WWOX: variants seen among roughly 807,000 people sequenced by gnomAD.
The protein encoded by WWOX is WW domain-containing oxidoreductase.
In WWOX, 69 loss-of-function variants were observed where a neutral mutation model predicts 46.2. That is an observed-to-expected ratio of 1.49 (90% CI 1.23 to 1.82). WWOX has a LOEUF of 1.82. Among genes scored for constraint, WWOX ranks in the 40% most tolerant of loss-of-function variants. The probability of loss-of-function intolerance (pLI) is 0.00; values close to 1 mark genes in which losing one functional copy is unlikely to be tolerated. For synonymous variants in WWOX, 359 were observed against 202.6 expected (o/e 1.77, Z -6.56); for missense variants, 919 against 542.6 (o/e 1.69, Z -6.89).
intron 8 of WWOX, among the ~76,000 whole-genome samples, chr16:78,762,893 C>T (rs1331869284): frequency 6.6e-6 from 1 of 152,092 alleles, no homozygotes. Flanking sequence ...TAGTTAACAC[C>T]CAGTTTGGTA....
At chr16:78,485,411 T>C (rs1041809416) in intron 8 of WWOX, among the ~76,000 whole-genome samples, 28 of 152,118 alleles carry the variant, frequency 1.8e-4, no homozygotes, top group African/African-American at 6.5e-4. Context: ...GTTGAAGATA[T>C]TTCAGACTCT....
intron 8 of WWOX, among the ~76,000 whole-genome samples, chr16:78,971,898 T>C (rs1333033240): frequency 6.6e-6 from 1 of 152,164 alleles, no homozygotes; most frequent in Non-Finnish European, 1.5e-5. Flanking sequence ...ATCGGGATAT[T>C]AGTGCAGACC....
chr16:78,921,885 C>G (rs774462198), intron 8 of WWOX, among the ~76,000 whole-genome samples: 2 of 152,164 alleles, frequency 1.3e-5, no homozygotes, highest in Non-Finnish European at 2.9e-5. Flanking sequence ...TTAGCAGAAG[C>G]TATTGTATTT....
At chr16:78,316,214 C>G (rs942937121) in intron 5 of WWOX, among the ~76,000 whole-genome samples, 1 of 151,938 alleles carries the variant, frequency 6.6e-6, no homozygotes, top group African/African-American at 2.4e-5. Flanking sequence ...CTAGTGTACT[C>G]CAGTCTGGGC....
At chr16:78,271,189 C>A (rs2079471286) in intron 5 of WWOX, among the ~76,000 whole-genome samples, 1 of 152,132 alleles carries the variant, frequency 6.6e-6, no homozygotes, top group Admixed American at 6.5e-5. Context: ...AAACAATTAC[C>A]TTTGATGATT....
At chr16:79,202,589 G>C (rs1229041910) in intron 8 of WWOX, 1 of 152,194 alleles carries the variant, frequency 6.6e-6, no homozygotes, top group African/African-American at 2.4e-5. Context: ...CTCGATTCCG[G>C]CAAGAGAAGG....
Position 78,106,978 on chromosome 16 carries a change from T to C in WWOX, c.108-1445T>C, listed in dbSNP as rs540049163. On this transcript the variant is annotated intron_variant, in intron 1 of 8. Coordinates refer to ENST00000566780, the MANE Select transcript of WWOX (RefSeq NM_016373.4). ...TCCTGCACTATGACAGAGACCCAGC[T>C]GCCAAGACTTTGTCAAACAGACCAG... Among the ~76,000 whole-genome samples the C allele has an allele frequency of 1.7e-3, 264 of 152,342 alleles. 2 individuals are homozygous for C. Among genetic ancestry groups the C allele is most frequent in the African/African-American group, 6.1e-3 (253 of 41,592 alleles).
At chr16:78,400,837 G>C (rs547023776) in intron 6 of WWOX, among the ~76,000 whole-genome samples, 15 of 152,296 alleles carry the variant, frequency 9.8e-5, no homozygotes, top group African/African-American at 3.6e-4. Flanking sequence ...TTTGTTACTT[G>C]TTTCTGAGAT....
intron 3 of WWOX, among the ~76,000 whole-genome samples, chr16:78,111,662 G>A (rs1488049364): frequency 6.6e-6 from 1 of 152,268 alleles, no homozygotes; most frequent in East Asian, 1.9e-4. Context: ...ACAGTCATCC[G>A]GAGGCCTAAA....
intron 8 of WWOX, among the ~76,000 whole-genome samples, chr16:78,858,944 G>T (rs1436951042): frequency 1.4e-5 from 2 of 143,148 alleles, no homozygotes; most frequent in East Asian, 4.2e-4. Flanking sequence ...CTCCCAAAGT[G>T]CTGGGATTAC....
chr16:79,140,833 G>C (rs1266207776), intron 8 of WWOX, among the ~76,000 whole-genome samples: 1 of 152,196 alleles, frequency 6.6e-6, no homozygotes, highest in East Asian at 1.9e-4. Flanking sequence ...GATCCGGAGA[G>C]TCTTCTTGTC....
At chr16:78,916,257 C>G (rs1303188434) in intron 8 of WWOX, among the ~76,000 whole-genome samples, 1 of 152,164 alleles carries the variant, frequency 6.6e-6, no homozygotes, top group Admixed American at 6.5e-5. Context: ...AAGTTTTAAT[C>G]AGCGCTTTCT....
chr16:78,321,305 TATATATATGCGTATATATATAC>T (rs2080465553), intron 5 of WWOX, among the ~76,000 whole-genome samples: 1 of 84,788 alleles, frequency 1.2e-5, no homozygotes, highest in Non-Finnish European at 2.6e-5. Flanking sequence ...TATATATACG[TATATATATGCGTATATATATAC>T]GTATATATGC....
At chr16:78,652,934 T>G (rs2046999197) in intron 8 of WWOX, among the ~76,000 whole-genome samples, 1 of 152,152 alleles carries the variant, frequency 6.6e-6, no homozygotes, top group Non-Finnish European at 1.5e-5. Context: ...AAAAATGAAC[T>G]TTTGTTATTT....
chr16:79,166,137 C>G (rs16949748), intron 8 of WWOX, among the ~76,000 whole-genome samples: 14,261 of 152,220 alleles, frequency 0.094, 990 homozygotes, highest in East Asian at 0.35. Flanking sequence ...CCATTCTTGA[C>G]TTTTTTTAAT....
At chr16:79,094,902 C>T (rs1366395236) in intron 8 of WWOX, among the ~76,000 whole-genome samples, 4 of 152,146 alleles carry the variant, frequency 2.6e-5, no homozygotes, top group African/African-American at 9.7e-5. Flanking sequence ...ACCAGATCAG[C>T]GTCGTGGGCG....
At chr16:78,765,267 A>G (rs1336297494) in intron 8 of WWOX, among the ~76,000 whole-genome samples, 4 of 152,230 alleles carry the variant, frequency 2.6e-5, no homozygotes, top group African/African-American at 4.8e-5. Context: ...GAATGAGAAG[A>G]GCCCAGTAGA....
At chr16:79,134,974 T>A (rs1239877220) in intron 8 of WWOX, among the ~76,000 whole-genome samples, 2 of 152,204 alleles carry the variant, frequency 1.3e-5, no homozygotes, top group Non-Finnish European at 2.9e-5. Flanking sequence ...CTACATACAT[T>A]TGAAAATTAG....
intron 8 of WWOX, among the ~76,000 whole-genome samples, chr16:78,763,464 T>C (rs749152516): frequency 3.3e-5 from 5 of 152,222 alleles, no homozygotes; most frequent in Non-Finnish European, 7.3e-5. Context: ...CAAAAAGACA[T>C]TGGCTCTTTG....
Sources: allele counts gnomAD v4.1 joint callset (sites outside exome capture counted in the v4.1 genomes callset), GRCh38; gene constraint gnomAD v4.1.1; transcripts MANE v1.5; gene names NCBI Gene and HGNC (gene_info 2026-07-23, HGNC 2026-07-21).